The following ENPP3 variants were observed in gnomAD, a reference collection of about 807,000 sequenced individuals.
The protein encoded by ENPP3 is ectonucleotide pyrophosphatase/phosphodiesterase family member 3.
ENPP3 carries 104 observed loss-of-function variants against 117.8 expected under a neutral mutation model. The ratio of observed to expected loss-of-function variants is 0.88; its 90% confidence interval spans 0.75 to 1.04. ENPP3 has a LOEUF of 1.04. Among genes scored for constraint, ENPP3 ranks in the 50% least tolerant of loss-of-function variants. ENPP3 has a pLI of 0.00. For missense variants in ENPP3, 1,026 were observed against 1,051.9 expected, an observed-to-expected ratio of 0.98 and a Z score of 0.34; for synonymous variants, 380 against 349.9, an observed-to-expected ratio of 1.09 and a Z score of -0.96.
At chr6:131,724,963 C>T (rs1450120470) in intron 19 of ENPP3, among the ~76,000 whole-genome samples, 2 of 150,740 alleles carry the variant, frequency 1.3e-5, no homozygotes, top group Non-Finnish European at 2.9e-5. Context: ...AATCCCAGCA[C>T]TTTGGGAGGC....
At chr6:131,676,559 G>A (rs900861645) in intron 9 of ENPP3, among the ~76,000 whole-genome samples, 177 bp from the exon 10 acceptor site, 2 of 152,110 alleles carry the variant, frequency 1.3e-5, no homozygotes, top group South Asian at 2.1e-4. Context: ...TTATAGTGCC[G>A]CAAGTGTATC....
chr6:131,710,644 G>A, intron 15 of ENPP3: 1 of 1,612,592 alleles, frequency 6.2e-7, no homozygotes, highest in South Asian at 1.1e-5. Flanking sequence ...CAAACTTCGT[G>A]CTTCTTCTGC....
intron 19 of ENPP3, 77 bp downstream of exon 19, chr6:131,724,168 C>A: frequency 1.1e-6 from 1 of 906,746 alleles, no homozygotes; most frequent in Non-Finnish European, 1.7e-6. Context: ...TAGGACTCTC[C>A]AAAATAAGCT....
intron 2 of ENPP3, among the ~76,000 whole-genome samples, chr6:131,644,944 G>T (rs1025074557): frequency 2.0e-5 from 3 of 152,168 alleles, no homozygotes; most frequent in East Asian, 1.9e-4. Flanking sequence ...ATGAAAAAAC[G>T]TAAAGACCAT....
intron 15 of ENPP3, chr6:131,710,060 G>C: frequency 6.2e-7 from 1 of 1,613,056 alleles, no homozygotes; most frequent in East Asian, 2.2e-5. Flanking sequence ...TTAGCAGCAT[G>C]AATCAGTTTC....
At position 131,726,177 on chromosome 6, in the gene ENPP3, A is replaced by G; in HGVS notation, c.1930A>G (p.Ser644Gly). The change falls in exon 20 of 25, where the codon AGT (serine) becomes GGT (glycine). Residue 644 changes from serine (S) to glycine (G), a missense_variant. Transcript: ENST00000357639. Reference protein sequence around the residue: ...FGKAMRMPMWSSYTVPQLGDT... With the variant: ...FGKAMRMPMWGSYTVPQLGDT... ...AAAAGCTATGAGGATGCCCATGTGG[A>G]GTTCATACACAGTCCCCCAGTTGGT... is the stretch of plus-strand genomic sequence containing the variant. 1 of 1,613,968 alleles carries G rather than the reference A, an allele frequency of 6.2e-7. No homozygotes were observed. The highest frequency in any genetic ancestry group is 8.5e-7 in the Non-Finnish European group (1 of 1,179,886).
chr6:131,638,165 C>A (rs1013661753), intron 1 of ENPP3, among the ~76,000 whole-genome samples: 10 of 152,002 alleles, frequency 6.6e-5, no homozygotes, highest in African/African-American at 9.7e-5. Flanking sequence ...GTACTGAGTC[C>A]CTGACTCAAA....
chr6:131,642,077 G>C (rs890488287), intron 2 of ENPP3, among the ~76,000 whole-genome samples: 1 of 152,044 alleles, frequency 6.6e-6, no homozygotes, highest in Non-Finnish European at 1.5e-5. Flanking sequence ...TTACAGGTGT[G>C]AGTTGCCGCG....
At chr6:131,718,535 GA>G in intron 15 of ENPP3, 136 bp from the exon 16 acceptor site, 1 of 410,532 alleles carries the variant, frequency 2.4e-6, no homozygotes, top group Non-Finnish European at 4.4e-6. Flanking sequence ...GTTGTTGATA[GA>G]AAAATATATT....
chr6:131,719,785 A>G (rs1779975590), intron 16 of ENPP3, among the ~76,000 whole-genome samples: 1 of 152,216 alleles, frequency 6.6e-6, no homozygotes, highest in Non-Finnish European at 1.5e-5. Context: ...AATGTAAACC[A>G]AAATATTGAG....
At chr6:131,637,605 C>T in intron 1 of ENPP3, 143 bp downstream of exon 1, 1 of 434,310 alleles carries the variant, frequency 2.3e-6, no homozygotes, top group Non-Finnish European at 4.1e-6. Context: ...TATGAAAACT[C>T]TAATGCAAAT....
intron 3 of ENPP3, 110 bp downstream of exon 3, chr6:131,650,259 G>T: frequency 4.2e-6 from 5 of 1,197,640 alleles, no homozygotes; most frequent in Non-Finnish European, 6.0e-6. Context: ...TCACTCTGTT[G>T]CCTAGGCTGG....
rs1218288986 is a variant in ENPP3, at chr6:131,652,775, T to C, written c.404-56T>C. ...AAATCAAAACACATCGGAGAATCTT[T>C]AGTTACTCTGTCTGTGCTGCAGCAA... On this transcript the variant is annotated intron_variant, in intron 4 of 24. Transcript: ENST00000357639. The C allele has an allele frequency of 3.1e-6, 5 of 1,587,644 alleles. No individual in the cohort carries two copies. In the South Asian group the frequency reaches 5.5e-5, roughly 18 times the overall value.
chr6:131,689,817 C>T (rs1193423339), intron 14 of ENPP3, among the ~76,000 whole-genome samples: 1 of 152,114 alleles, frequency 6.6e-6, no homozygotes, highest in East Asian at 1.9e-4. Flanking sequence ...CCATTAAAAA[C>T]ATTTGTGATT....
At chr6:131,691,265 G>C (rs541355490) in intron 14 of ENPP3, among the ~76,000 whole-genome samples, 1 of 152,156 alleles carries the variant, frequency 6.6e-6, no homozygotes, top group South Asian at 2.1e-4. Flanking sequence ...GACTACATGA[G>C]AGACATCACT....
At chr6:131,712,598 T>C (rs571403247) in intron 15 of ENPP3, among the ~76,000 whole-genome samples, 1 of 130,212 alleles carries the variant, frequency 7.7e-6, no homozygotes, top group East Asian at 2.3e-4. Flanking sequence ...GCAGTTTCTT[T>C]CTCCAAGGTC....
chr6:131,697,506 C>G (rs1421853676), intron 15 of ENPP3, among the ~76,000 whole-genome samples: 1 of 151,812 alleles, frequency 6.6e-6, no homozygotes, highest in African/African-American at 2.4e-5. Context: ...TATTATTACA[C>G]TGTAATAGAT....
intron 15 of ENPP3, among the ~76,000 whole-genome samples, chr6:131,701,934 A>G (rs1779546388): frequency 3.9e-5 from 6 of 152,022 alleles, no homozygotes. Context: ...ACGTATACAT[A>G]GGTTTCTTTT....
chr6:131,685,587 G>C (rs528631345), intron 13 of ENPP3, 92 bp downstream of exon 13: 1 of 1,285,310 alleles, frequency 7.8e-7, no homozygotes, highest in East Asian at 2.3e-5. Flanking sequence ...GGGGTTATCA[G>C]ACCCTCTACT....
Sources: gnomAD v4.1 joint callset for allele counts (sites outside exome capture counted in the v4.1 genomes callset) on GRCh38, gnomAD v4.1.1 for gene constraint, MANE v1.5 for transcripts, NCBI Gene and HGNC (gene_info 2026-07-23, HGNC 2026-07-21) for gene names.